Variants in TPCN1 observed in about 807,000 individuals in gnomAD.
The protein encoded by TPCN1 is two pore segment channel 1.
In TPCN1, 52 loss-of-function variants were observed where a neutral mutation model predicts 108.8. The observed-to-expected ratio is 0.48, with a 90% CI of 0.38 to 0.60. TPCN1 has a LOEUF of 0.60. Among genes scored for constraint, TPCN1 ranks in the 20% least tolerant of loss-of-function variants. TPCN1 has a pLI of 0.00. For missense variants in TPCN1, 806 were observed against 1,072.8 expected, an observed-to-expected ratio of 0.75 and a Z score of 3.47; for synonymous variants, 446 against 433.7, an observed-to-expected ratio of 1.03 and a Z score of -0.35.
chr12:113,248,185 C>T (rs1954477326), intron 2 of TPCN1, among the ~76,000 whole-genome samples: 1 of 152,270 alleles, frequency 6.6e-6, no homozygotes, highest in Non-Finnish European at 1.5e-5. Context: ...CCTGCCAGGC[C>T]CCACGGATGG....
At chr12:113,252,703 C>T (rs76010357) in intron 2 of TPCN1, among the ~76,000 whole-genome samples, 1 of 152,230 alleles carries the variant, frequency 6.6e-6, no homozygotes, top group Non-Finnish European at 1.5e-5. Flanking sequence ...CACGAGGACG[C>T]AGCTCCATCC....
chr12:113,259,539 T>G (rs1053491872), intron 2 of TPCN1, among the ~76,000 whole-genome samples: 5 of 152,196 alleles, frequency 3.3e-5, no homozygotes, highest in African/African-American at 1.2e-4. Context: ...GTTAGTGTTA[T>G]CTATTGGTTA....
In TPCN1 at chr12:113,291,978, C is replaced by T. The variant is rs765274077; in HGVS notation, c.2113+20C>T. 15 of 1,609,640 alleles carry T rather than the reference C, an allele frequency of 9.3e-6. No individual in the cohort carries two copies. The highest frequency in any genetic ancestry group is 1.3e-5 in the Non-Finnish European group (15 of 1,175,962). ...CGGAAGGTCTGTGCAGGGATGATGC[C>T]TTGGGCATTTGATATCTGCCGCCTA... On this transcript the variant is annotated intron_variant, in intron 25 of 27. Transcript: ENST00000335509.
intron 3 of TPCN1, among the ~76,000 whole-genome samples, chr12:113,263,447 G>A (rs1955122218): frequency 6.6e-6 from 1 of 152,220 alleles, no homozygotes; most frequent in African/African-American, 2.4e-5. Flanking sequence ...TTTTAGTAGA[G>A]ATGGGGTTTC....
In TPCN1 at chr12:113,226,882, G is replaced by A. The variant is rs747117635; in HGVS notation, c.30G>A (p.Pro10=). 2.9e-5 allele frequency: 46 copies of A among 1,613,988 alleles called. No homozygotes were observed. The highest frequency in any genetic ancestry group is 6.7e-5 in the East Asian group (3 of 44,872). Residue 10 remains proline, a synonymous_variant, in exon 2 of 28, where the codon CCG becomes CCA. Transcript: ENST00000335509. MAVSLDDDV[P]LILTLDEGGS... is the part of the protein sequence containing the mutation. ...CTGTGAGTTTGGATGACGACGTGCC[G>A]CTCATCCTGACCTTGGATGAGGGTG... is the stretch of plus-strand genomic sequence containing the variant.
In TPCN1 at chr12:113,288,173, T is replaced by C; in HGVS notation, c.1645T>C (p.Leu549=). The part of the protein sequence containing the change: ...RPLQLLRLFK[L]KERYRNVLDT... ...GTCCTCCTCGCTCAGGTTGTTTAAG[T>C]TGAAGGAGCGCTACCGCAACGTGCT... The change falls in exon 20 of 28, where the codon TTG becomes CTG. Residue 549 remains leucine (L), a synonymous_variant. Coordinates refer to ENST00000335509, the MANE Select transcript of TPCN1 (RefSeq NM_017901.6). The surrounding 1 kb of genome is among the most constrained non-coding windows in gnomAD (Gnocchi z 4.8). The C allele has an allele frequency of 6.2e-7, 1 of 1,613,432 alleles. No homozygotes were observed. The highest frequency in any genetic ancestry group is 1.1e-5 in the South Asian group (1 of 91,010).
Position 113,266,446 on chromosome 12 carries a change from C to A in TPCN1, c.414+90C>A. 1.3e-6 allele frequency: 2 copies of A among 1,498,738 alleles called. No individual in the cohort carries two copies. The highest frequency in any genetic ancestry group is 1.8e-6 in the Non-Finnish European group (2 of 1,104,900). 92.8% of individuals were successfully genotyped at this position (1,498,738 alleles called of 1,614,324 possible). A position where few individuals can be genotyped will look rare whatever the true frequency, so the allele number is the denominator to read the frequency against. ...TCCAAAAAGGAACATTCTGGGAGGG[C>A]AAACACTGCAAACGGACTTAAAACA... On this transcript the variant is annotated intron_variant, in intron 4 of 27. Coordinates refer to ENST00000335509, the MANE Select transcript of TPCN1 (RefSeq NM_017901.6). This position sits in a 1 kb window ranked among gnomAD's most constrained non-coding sequence, Gnocchi z 4.2.
chr12:113,284,716 A>G lies in TPCN1; in HGVS notation c.1400-2A>G. ...GTGAGCTGCTACTTCTCTGTCTTACAGGTGGGAACTTCTTCTCCAAGCACG... is the reference window on the plus strand; with the variant it reads ...GTGAGCTGCTACTTCTCTGTCTTACGGGTGGGAACTTCTTCTCCAAGCACG... On this transcript the variant is annotated splice_acceptor_variant, in intron 16 of 27. Coordinates refer to ENST00000335509, the MANE Select transcript of TPCN1 (RefSeq NM_017901.6). LOFTEE classifies it high-confidence loss of function. This position sits in a 1 kb window ranked among gnomAD's most constrained non-coding sequence, Gnocchi z 4.1. 1 of 1,614,238 alleles carries G rather than the reference A, an allele frequency of 6.2e-7. No individual in the cohort carries two copies. The highest frequency in any genetic ancestry group is 8.5e-7 in the Non-Finnish European group (1 of 1,180,036).
rs1045684700 is a variant in TPCN1 at position 113,231,187 on chromosome 12, G to A, written c.112+4223G>A. 6.6e-6 allele frequency among the ~76,000 whole-genome samples: 1 copy of A among 152,190 alleles called. No homozygotes were observed. Among genetic ancestry groups the A allele is most frequent in the Non-Finnish European group, 1.5e-5 (1 of 68,040 alleles). ...GGCCTTCTCAGCACTGTACCTCCAC[G>A]CTCCATGTCTGGTTGGGCACCCCTA... On this transcript the variant is annotated intron_variant, in intron 2 of 27. Coordinates refer to ENST00000335509, the MANE Select transcript of TPCN1 (RefSeq NM_017901.6). The surrounding 1 kb of genome is among the most constrained non-coding windows in gnomAD (Gnocchi z 4.3).
chr12:113,288,744 C>CT lies in TPCN1; in HGVS notation c.1707-13dup. On this transcript the variant is annotated splice_polypyrimidine_tract_variant and intron_variant, in intron 20 of 27. Coordinates refer to ENST00000335509, the MANE Select transcript of TPCN1 (RefSeq NM_017901.6). The surrounding 1 kb of genome is among the most constrained non-coding windows in gnomAD (Gnocchi z 4.8). ...CTGCCGGCCCCGCGTCACCCTGCCC[C>CT]TGTCGCCCCACAGCCTGGGCCTCAC... The CT allele has an allele frequency of 6.2e-7, 1 of 1,611,334 alleles. No individual in the cohort carries two copies. The highest frequency in any genetic ancestry group is 8.5e-7 in the Non-Finnish European group (1 of 1,179,914).
intron 2 of TPCN1, among the ~76,000 whole-genome samples, chr12:113,244,962 G>GT (rs2136493721): frequency 6.6e-6 from 1 of 152,196 alleles, no homozygotes; most frequent in South Asian, 2.1e-4. Flanking sequence ...GGTTGTGTGT[G>GT]TTTAAGAAAA....
At chr12:113,277,675 CA>C (rs1325151887) in intron 12 of TPCN1, among the ~76,000 whole-genome samples, 2 of 152,158 alleles carry the variant, frequency 1.3e-5, no homozygotes, top group Admixed American at 6.5e-5. Flanking sequence ...GGTGGACAGA[CA>C]GGGGTGAATA....
At chr12:113,285,584 C>T (rs1336329850) in intron 17 of TPCN1, among the ~76,000 whole-genome samples, 1 of 152,240 alleles carries the variant, frequency 6.6e-6, no homozygotes, top group South Asian at 2.1e-4. Flanking sequence ...CTATGTTGCT[C>T]AGGCTGGTCT....
At position 113,279,359 on chromosome 12, in the gene TPCN1, G is replaced by GTA. The variant is rs1186995627; in HGVS notation, c.1297+556_1297+557dup. ...TGTGTATATATATGTGTGTGTGTGTGTATATATATATATATATATATATAT... is the reference window on the plus strand; with the variant it reads ...TGTGTATATATATGTGTGTGTGTGTGTATATATATATATATATATATATATAT... On this transcript the variant is annotated intron_variant, in intron 14 of 27. Coordinates refer to ENST00000335509, the MANE Select transcript of TPCN1 (RefSeq NM_017901.6). Among the ~76,000 whole-genome samples, 357 of 40,970 alleles carry GTA rather than the reference G, an allele frequency of 8.7e-3. 11 individuals are homozygous for GTA. The highest frequency in any genetic ancestry group is 0.022 in the Middle Eastern group (1 of 46). 26.9% of individuals were successfully genotyped at this position (40,970 alleles called of 152,430 possible).
intron 23 of TPCN1, 128 bp from the exon 24 acceptor site, chr12:113,291,481 C>T (rs964943664): frequency 1.3e-6 from 1 of 784,016 alleles, no homozygotes; most frequent in African/African-American, 1.7e-5. Flanking sequence ...TTCCTCTCCT[C>T]CATCTCTCAC....
chr12:113,286,108 G>C, intron 18 of TPCN1, 147 bp downstream of exon 18: 2 of 717,886 alleles, frequency 2.8e-6, no homozygotes, highest in South Asian at 3.4e-5. Context: ...CCCTCAAGCA[G>C]CCCTGCCCAC....
In TPCN1 at chr12:113,296,368, C is replaced by T. The variant is rs899640185; in HGVS notation, c.*292C>T. 6 of 381,296 alleles carry T rather than the reference C, an allele frequency of 1.6e-5. No homozygotes were observed. In the East Asian group the frequency reaches 1.6e-4, roughly 10 times the overall value. The allele number at this position is 381,296 out of a possible 1,614,324, so 23.6% of individuals were successfully genotyped here. Reference sequence around the variant, plus strand: ...AGGAGACCCCTCACCTGGATCCAGTCGACTGCGGGGCTTGCCCCTCATGTG... The same window carrying T: ...AGGAGACCCCTCACCTGGATCCAGTTGACTGCGGGGCTTGCCCCTCATGTG... On this transcript the variant is annotated 3_prime_UTR_variant, in exon 28 of 28. Transcript: ENST00000335509.
At chr12:113,267,619 G>T (rs1355425767) in intron 4 of TPCN1, among the ~76,000 whole-genome samples, 3 of 151,862 alleles carry the variant, frequency 2.0e-5, no homozygotes, top group Non-Finnish European at 2.9e-5. Flanking sequence ...TCATCATTTG[G>T]GCCAGCATGT....
In TPCN1 at chr12:113,288,275, G is replaced by C. The variant is rs368521736; in HGVS notation, c.1706+41G>C. The C allele has an allele frequency of 1.2e-6, 2 of 1,612,588 alleles. No homozygotes were observed. Among genetic ancestry groups the C allele is most frequent in the Admixed American group, 1.7e-5 (1 of 59,894 alleles). ...ACCCTGGCCTGCAGGTCCAGGTGCC[G>C]TGTGGCAGTGCCCCGTGGGGGCGGG... On this transcript the variant is annotated intron_variant, in intron 20 of 27. Transcript: ENST00000335509. The surrounding 1 kb of genome is among the most constrained non-coding windows in gnomAD (Gnocchi z 4.8).
Sources: allele counts gnomAD v4.1 joint callset (sites outside exome capture counted in the v4.1 genomes callset), GRCh38; gene constraint gnomAD v4.1.1; non-coding constraint Gnocchi (gnomAD v3.1); transcripts MANE v1.5; gene names NCBI Gene and HGNC (gene_info 2026-07-23, HGNC 2026-07-21).